The following GRAMD2A variants were observed in gnomAD, a reference collection of about 807,000 sequenced individuals.
GRAMD2A encodes GRAM domain containing 2A.
GRAMD2A carries 37 observed loss-of-function variants against 51.1 expected under a neutral mutation model. That is an observed-to-expected ratio of 0.72 (90% CI 0.56 to 0.95). GRAMD2A has a LOEUF of 0.95. Ranked by LOEUF, GRAMD2A falls within the 40% of genes least tolerant of loss-of-function variation. The pLI is 0.00. For synonymous variants in GRAMD2A, 136 were observed against 157.1 expected, an observed-to-expected ratio of 0.87 and a Z score of 1.01; for missense variants, 414 against 426.9, an observed-to-expected ratio of 0.97 and a Z score of 0.27.
Position 72,168,481 on chromosome 15 carries a change from G to C in GRAMD2A, c.268+10C>G. 1 of 1,609,062 alleles carries C rather than the reference G, an allele frequency of 6.2e-7. No homozygotes were observed. The highest frequency in any genetic ancestry group is 8.5e-7 in the Non-Finnish European group (1 of 1,175,704). Reference sequence around the variant, plus strand: ...GGGTGCCTAACCAGCTATACCGGGAGACAGCTCACCTTTGAGAACCACTTC... The same window carrying C: ...GGGTGCCTAACCAGCTATACCGGGACACAGCTCACCTTTGAGAACCACTTC... On this transcript the variant is annotated intron_variant, in intron 4 of 11. Transcript: ENST00000309731.
rs148438222 is a variant in GRAMD2A at position 72,195,227 on chromosome 15, G to A, written c.41+2504C>T. On this transcript the variant is annotated intron_variant, in intron 1 of 11. Transcript: ENST00000309731. ...AATCACTGGATGACTGCATGCAGAA[G>A]GCCTTTAGGGAACCTACAGTCCAAT... is the stretch of plus-strand genomic sequence containing the variant. 9.3e-3 allele frequency among the ~76,000 whole-genome samples: 1,414 copies of A among 152,310 alleles called. 38 individuals carry two copies. The highest frequency in any genetic ancestry group is 0.054 in the East Asian group (280 of 5,180).
At chr15:72,191,091 A>G (rs2081764768) in intron 1 of GRAMD2A, among the ~76,000 whole-genome samples, 1 of 152,240 alleles carries the variant, frequency 6.6e-6, no homozygotes, top group South Asian at 2.1e-4. Flanking sequence ...TTTGGTGGCT[A>G]CTAGAGCCCA....
intron 1 of GRAMD2A, among the ~76,000 whole-genome samples, chr15:72,185,077 A>AT (rs1403733910): frequency 6.6e-6 from 1 of 152,096 alleles, no homozygotes; most frequent in Non-Finnish European, 1.5e-5. Context: ...CAAACGACTG[A>AT]TTTTTTAACT....
At chr15:72,181,773 A>G (rs2081698830) in intron 1 of GRAMD2A, among the ~76,000 whole-genome samples, 1 of 152,228 alleles carries the variant, frequency 6.6e-6, no homozygotes, top group Non-Finnish European at 1.5e-5. Context: ...TCACGAGTTC[A>G]GCCTTGAACA....
At position 72,168,959 on chromosome 15, in the gene GRAMD2A, TTA is replaced by T; in HGVS notation, c.170_171del (p.Ile57LysfsTer12). 3 of 1,614,158 alleles carry T rather than the reference TTA, an allele frequency of 1.9e-6. No homozygotes were observed. Among genetic ancestry groups the T allele is most frequent in the Non-Finnish European group, 2.5e-6 (3 of 1,179,980 alleles). On this transcript the variant is annotated frameshift_variant, in exon 3 of 12. Transcript: ENST00000309731. LOFTEE classifies it high-confidence loss of function. ...CTTACCCCTTCTCGGCCACACTTCT[TTA>T]TCTCTTCACCCTTCAAGCCTTCTGG... ...HWPEGLKGEE[I>X]KKCGREGITL...
rs531671466 is a variant in GRAMD2A, at chr15:72,172,091, G to A, written c.42-2152C>T. On this transcript the variant is annotated intron_variant, in intron 1 of 11. Transcript: ENST00000309731. ...TCCCCCTGCCTTGGCCTCCCAGAGT[G>A]CTGGGATTACAGGCATGAGCCACCA... 5.3e-5 allele frequency among the ~76,000 whole-genome samples: 8 copies of A among 151,428 alleles called. No homozygotes were observed. In the South Asian group the frequency reaches 8.3e-4, roughly 16 times the overall value.
chr15:72,161,967 A>G lies in GRAMD2A; in HGVS notation c.*42T>C, dbSNP rs1306317594. On this transcript the variant is annotated 3_prime_UTR_variant, in exon 12 of 12. Coordinates refer to ENST00000309731, the MANE Select transcript of GRAMD2A (RefSeq NM_001012642.3). ...TTGGTGGAGACTTAGCACCCAGAAC[A>G]TTCTTCTTGGAGAAGGAATGGGGAC... 9 of 1,611,250 alleles carry G rather than the reference A, an allele frequency of 5.6e-6. No homozygotes were observed. The Admixed American group carries it at 1.5e-4, about 27-fold the overall frequency.
chr15:72,190,580 T>G (rs886627032), intron 1 of GRAMD2A, among the ~76,000 whole-genome samples: 2 of 152,210 alleles, frequency 1.3e-5, no homozygotes, highest in Non-Finnish European at 2.9e-5. Context: ...CTTTTCCAGT[T>G]TCTGTTTTCA....
intron 1 of GRAMD2A, among the ~76,000 whole-genome samples, chr15:72,193,232 CT>C (rs1233869892): frequency 4.4e-4 from 63 of 144,702 alleles, no homozygotes; most frequent in Middle Eastern, 3.6e-3. Flanking sequence ...CCAATCATTT[CT>C]TTTTTTTTTT....
chr15:72,169,550 A>C, intron 2 of GRAMD2A: 1 of 585,806 alleles, frequency 1.7e-6, no homozygotes, highest in East Asian at 3.9e-5. Context: ...CCACACTGGG[A>C]GAGGGGGATG....
intron 1 of GRAMD2A, among the ~76,000 whole-genome samples, chr15:72,192,448 G>A (rs2081774569): frequency 6.6e-6 from 1 of 152,180 alleles, no homozygotes; most frequent in South Asian, 2.1e-4. Flanking sequence ...TGTGGCCTGA[G>A]TGATTACTGG....
rs138297743 is a variant in GRAMD2A at position 72,164,069 on chromosome 15, C to T, written c.601-312G>A. 2.0e-5 allele frequency among the ~76,000 whole-genome samples: 3 copies of T among 152,296 alleles called. 1 individual carries two copies. Among genetic ancestry groups the T allele is most frequent in the Non-Finnish European group, 4.4e-5 (3 of 68,022 alleles). On this transcript the variant is annotated intron_variant, in intron 8 of 11. Transcript: ENST00000309731. ...GCTCAGATCTGAGGCCAAGAAAGCT[C>T]GGCACAACATGTCTTAGGTAGGATA...
intron 3 of GRAMD2A, 67 bp downstream of exon 3, chr15:72,168,872 T>C: frequency 6.8e-7 from 1 of 1,463,762 alleles, no homozygotes; most frequent in Non-Finnish European, 9.6e-7. Context: ...GAGCCAAAAG[T>C]CACTGAATTC....
chr15:72,194,209 C>G (rs1191861862), intron 1 of GRAMD2A, among the ~76,000 whole-genome samples: 1 of 152,238 alleles, frequency 6.6e-6, no homozygotes, highest in Non-Finnish European at 1.5e-5. Flanking sequence ...ATCATTTTCA[C>G]TTTCCTGGAA....
At chr15:72,180,160 G>A (rs528836744) in intron 1 of GRAMD2A, among the ~76,000 whole-genome samples, 108 of 152,264 alleles carry the variant, frequency 7.1e-4, no homozygotes, top group African/African-American at 2.5e-3. Context: ...AGCTAAAACC[G>A]GGAAGCTTTC....
In GRAMD2A at chr15:72,166,254, T is replaced by C. The variant is rs2081542968; in HGVS notation, c.543+378A>G. On this transcript the variant is annotated intron_variant, in intron 7 of 11. Coordinates refer to ENST00000309731, the MANE Select transcript of GRAMD2A (RefSeq NM_001012642.3). This position sits in a 1 kb window ranked among gnomAD's most constrained non-coding sequence, Gnocchi z 4.1. ...GAGATGCTTTTGCCCAGCTCTAGGCTAATGAAAGCATTCTGAGATGTTTAA... is the reference window on the plus strand; with the variant it reads ...GAGATGCTTTTGCCCAGCTCTAGGCCAATGAAAGCATTCTGAGATGTTTAA... 1.3e-5 allele frequency among the ~76,000 whole-genome samples: 2 copies of C among 152,256 alleles called. No individual in the cohort carries two copies. The highest frequency in any genetic ancestry group is 4.1e-4 in the South Asian group (2 of 4,834).
At position 72,161,759 on chromosome 15, in the gene GRAMD2A, G is replaced by C; in HGVS notation, c.*250C>G. 1.9e-6 allele frequency: 1 copy of C among 517,150 alleles called. No homozygotes were observed. Among genetic ancestry groups the C allele is most frequent in the East Asian group, 3.4e-5 (1 of 29,672 alleles). 32.0% of individuals were successfully genotyped at this position (517,150 alleles called of 1,614,324 possible). On this transcript the variant is annotated 3_prime_UTR_variant, in exon 12 of 12. Transcript: ENST00000309731. ...GAAGCTTTGTGTACAGAATTCCTCA[G>C]TTGGTTCCAAAAAATCTGGCTTTTT...
In GRAMD2A at chr15:72,167,779, T is replaced by C. The variant is rs750163402; in HGVS notation, c.329A>G (p.Asn110Ser). 6 of 1,614,072 alleles carry C rather than the reference T, an allele frequency of 3.7e-6. No homozygotes were observed. The highest frequency in any genetic ancestry group is 3.3e-5 in the South Asian group (3 of 91,076). Reference sequence around the variant, plus strand: ...GAGGCTGGCATGGAAGCAGAGCCAGTTGGGGGAGATGTAGAGCCGGCCCTG... The same window carrying C: ...GAGGCTGGCATGGAAGCAGAGCCAGCTGGGGGAGATGTAGAGCCGGCCCTG... Reference protein sequence around the residue: ...LLQGRLYISPNWLCFHASLFG... With the variant: ...LLQGRLYISPSWLCFHASLFG... The change falls in exon 5 of 12, where the codon AAC becomes AGC. Residue 110 changes from asparagine to serine, a missense_variant. Asn to Ser is a conservative substitution (Grantham distance 46, BLOSUM62 1). Coordinates refer to ENST00000309731, the MANE Select transcript of GRAMD2A (RefSeq NM_001012642.3).
rs1464865217 is a variant in GRAMD2A at position 72,197,760 on chromosome 15, T to C, written c.12A>G (p.Leu4=). The part of the protein sequence containing the change: MTA[L]SRSEATEEGG... ...CCTCCTCGGTGGCCTCGCTCCGGCT[T>C]AAAGCGGTCATCCCGGCGCCTGCAC... Residue 4 remains leucine (L), a synonymous_variant, in exon 1 of 12, where the codon TTA becomes TTG. Coordinates refer to ENST00000309731, the MANE Select transcript of GRAMD2A (RefSeq NM_001012642.3). 9 of 1,323,706 alleles carry C rather than the reference T, an allele frequency of 6.8e-6. No homozygotes were observed. In the Admixed American group the frequency reaches 2.6e-4, roughly 38 times the overall value. 82.0% of individuals were successfully genotyped at this position (1,323,706 alleles called of 1,614,324 possible). A position where few individuals can be genotyped will look rare whatever the true frequency, so the allele number is the denominator to read the frequency against.
Sources: gnomAD v4.1 joint callset for allele counts (sites outside exome capture counted in the v4.1 genomes callset) on GRCh38, gnomAD v4.1.1 for gene constraint, Gnocchi (gnomAD v3.1) non-coding constraint, MANE v1.5 for transcripts, NCBI Gene and HGNC (gene_info 2026-07-23, HGNC 2026-07-21) for gene names.